Variants in MAP3K15 observed in about 807,000 individuals in gnomAD.
MAP3K15 encodes MAPK/ERK kinase kinase 15.
A neutral mutation model predicts 99.5 loss-of-function variants in MAP3K15; 124 were observed. The ratio of observed to expected loss-of-function variants is 1.25; its 90% CI spans 1.08 to 1.45. MAP3K15 has a LOEUF of 1.45. MAP3K15 is among the 40% of genes most tolerant of loss of function. The pLI, the probability that MAP3K15 is intolerant of heterozygous loss-of-function variation, is 0.00. For missense variants in MAP3K15, 1,242 were observed against 1,079.7 expected (o/e 1.15, Z -2.11); for synonymous variants, 494 against 439.6 (o/e 1.12, Z -1.55).
At chrX:19,507,926 G>A (rs2064490765) in intron 1 of MAP3K15, among the ~76,000 whole-genome samples, 1 of 112,303 alleles carries the variant, frequency 8.9e-6, no homozygotes, top group African/African-American at 3.2e-5. Context: ...GGAGTGCAAT[G>A]GCACGATCTC....
Position 19,413,389 on chromosome X carries a change from C to A in MAP3K15, c.1666G>T (p.Val556Phe). 8.3e-7 allele frequency: 1 copy of A among 1,206,203 alleles called. No homozygotes were observed. Among genetic ancestry groups the A allele is most frequent in the African/African-American group, 1.7e-5 (1 of 57,540 alleles). The change falls in exon 11 of 29, where the codon GTT (valine) becomes TTT (phenylalanine). Residue 556 changes from valine (V) to phenylalanine (F), a missense_variant. Physicochemically the swap from Val to Phe is conservative, Grantham distance 50. Transcript: ENST00000338883. The stretch of plus-strand genomic sequence containing the variant: ...GTGGGTGAGACATGCCATAAAGAAA[C>A]TGTTCTCTCCTCGGCTTCATTGTTT... The part of the protein sequence containing the change: ...SINNEAEERT[V>F]SLWHVSPTEM...
chrX:19,469,737 G>A (rs1179258043), intron 3 of MAP3K15, among the ~76,000 whole-genome samples: 8 of 110,833 alleles, frequency 7.2e-5, no homozygotes, highest in Middle Eastern at 4.2e-3. Context: ...ACAAGTGGGC[G>A]AAGGATATGA....
intron 13 of MAP3K15, among the ~76,000 whole-genome samples, chrX:19,403,539 G>A (rs1397412487): frequency 9.9e-6 from 1 of 101,386 alleles, no homozygotes; most frequent in African/African-American, 3.7e-5. Flanking sequence ...ACTCACCACA[G>A]CCTCAACCTC....
At chrX:19,450,922 A>G (rs2064032574) in intron 6 of MAP3K15, among the ~76,000 whole-genome samples, 2 of 109,671 alleles carry the variant, frequency 1.8e-5, no homozygotes, top group African/African-American at 6.5e-5. Context: ...TTTGTTATAA[A>G]AAGTATACAT....
chrX:19,426,180 C>T, intron 8 of MAP3K15, 51 bp downstream of exon 8: 1 of 669,367 alleles, frequency 1.5e-6, no homozygotes, highest in Admixed American at 4.1e-5. Context: ...ACTTTTAATG[C>T]CAAACTTGTA....
rs916325083 is a variant in MAP3K15 at position 19,376,552 on chromosome X, C to A, written c.2590-1892G>T. Among the ~76,000 whole-genome samples, 4 of 110,568 alleles carry A rather than the reference C, an allele frequency of 3.6e-5. No individual in the cohort carries two copies. The East Asian group carries it at 1.1e-3, about 32-fold the overall frequency. ...CCTCCAACTCCTGGGCCCAAGGGATCCTCCTGCTTCAGGTTCCTGAGTAGC... is the reference window on the plus strand; with the variant it reads ...CCTCCAACTCCTGGGCCCAAGGGATACTCCTGCTTCAGGTTCCTGAGTAGC... On this transcript the variant is annotated intron_variant, in intron 19 of 28. Transcript: ENST00000338883.
intron 11 of MAP3K15, 68 bp downstream of exon 11, chrX:19,413,289 T>C (rs2063703813): frequency 1.2e-6 from 1 of 835,144 alleles, no homozygotes; most frequent in African/African-American, 2.1e-5. Flanking sequence ...GCCTTTTCCT[T>C]CAAATACTAC....
At chrX:19,452,910 CT>C (rs1248959293) in intron 6 of MAP3K15, among the ~76,000 whole-genome samples, 6 of 110,109 alleles carry the variant, frequency 5.4e-5, no homozygotes, top group Non-Finnish European at 1.1e-4. Context: ...CAAGACAATT[CT>C]TCTTCCAATG....
At chrX:19,502,256 C>A (rs1397234640) in intron 1 of MAP3K15, among the ~76,000 whole-genome samples, 3 of 110,189 alleles carry the variant, frequency 2.7e-5, no homozygotes, top group African/African-American at 9.9e-5. Context: ...TTGGCTGTGT[C>A]CCCCACACCT....
intron 9 of MAP3K15, among the ~76,000 whole-genome samples, chrX:19,415,649 T>C (rs751639531): frequency 1.3e-4 from 14 of 111,130 alleles, no homozygotes; most frequent in Admixed American, 4.8e-4. Context: ...AATAGATACA[T>C]TGGAAAATGT....
At chrX:19,485,940 C>T (rs747055540) in intron 3 of MAP3K15, among the ~76,000 whole-genome samples, 2 of 111,582 alleles carry the variant, frequency 1.8e-5, no homozygotes, top group Admixed American at 9.6e-5. Flanking sequence ...TTCAAACCAA[C>T]GTGGCAATAA....
At chrX:19,446,723 C>T (rs916774957) in intron 6 of MAP3K15, among the ~76,000 whole-genome samples, 1 of 110,585 alleles carries the variant, frequency 9.0e-6, no homozygotes, top group Non-Finnish European at 1.9e-5. Context: ...TCTTAACCTC[C>T]GGTCTTATCA....
chrX:19,368,921 C>T (rs761011772), intron 25 of MAP3K15, 133 bp downstream of exon 25: 5 of 602,116 alleles, frequency 8.3e-6, no homozygotes, highest in Admixed American at 1.0e-4. Context: ...TTGCCTAGTT[C>T]GTGGATGATG....
chrX:19,507,272 T>C (rs775691584), intron 1 of MAP3K15, among the ~76,000 whole-genome samples: 4 of 111,399 alleles, frequency 3.6e-5, no homozygotes, highest in South Asian at 3.8e-4. Context: ...CCCAGGAGGA[T>C]AGTTTCCACA....
intron 27 of MAP3K15, 23 bp downstream of exon 27, chrX:19,361,470 G>A: frequency 8.4e-7 from 1 of 1,196,834 alleles, no homozygotes. Context: ...AACAGCATAA[G>A]AATTTCTTTG....
intron 7 of MAP3K15, among the ~76,000 whole-genome samples, chrX:19,426,601 G>A (rs1166544590): frequency 1.8e-5 from 2 of 109,877 alleles, no homozygotes; most frequent in East Asian, 5.7e-4. Context: ...GACCACTTGA[G>A]GCCAGGAGTT....
At chrX:19,505,631 G>A (rs1472480528) in intron 1 of MAP3K15, among the ~76,000 whole-genome samples, 1 of 111,479 alleles carries the variant, frequency 9.0e-6, no homozygotes, top group African/African-American at 3.3e-5. Flanking sequence ...TGGCCCAGAA[G>A]TGGCAGACAT....
chrX:19,458,679 C>CAATA (rs750367161), intron 5 of MAP3K15, among the ~76,000 whole-genome samples: 2,666 of 110,712 alleles, frequency 0.024, 81 homozygotes, highest in African/African-American at 0.081. Flanking sequence ...GACTGTGTCT[C>CAATA]AATAAATAAA....
chrX:19,468,590 G>A (rs1303745241), intron 3 of MAP3K15, among the ~76,000 whole-genome samples: 2 of 111,994 alleles, frequency 1.8e-5, no homozygotes, highest in Non-Finnish European at 3.8e-5. Context: ...GCATGCCCAA[G>A]AGTGTGCCCT....
Sources: allele counts gnomAD v4.1 joint callset (sites outside exome capture counted in the v4.1 genomes callset), GRCh38; gene constraint gnomAD v4.1.1; transcripts MANE v1.5; gene names NCBI Gene and HGNC (gene_info 2026-07-23, HGNC 2026-07-21).